Variants in NAA15 observed in about 807,000 individuals in gnomAD.
NAA15 encodes N-terminal acetyltransferase.
In NAA15, 34 loss-of-function variants were observed where a neutral mutation model predicts 114.0. That is an observed-to-expected ratio of 0.30 (90% CI 0.23 to 0.40). The LOEUF is 0.40. Ranked by LOEUF, NAA15 falls within the 10% of genes least tolerant of loss-of-function variation. The pLI is 1.00. For synonymous variants in NAA15, 340 were observed against 338.0 expected, an observed-to-expected ratio of 1.01 and a Z score of -0.06; for missense variants, 658 against 1,004.5, an observed-to-expected ratio of 0.66 and a Z score of 4.66.
chr4:139,319,144 A>G (rs571315270), intron 1 of NAA15, among the ~76,000 whole-genome samples: 10 of 152,154 alleles, frequency 6.6e-5, no homozygotes, highest in African/African-American at 2.4e-4. Context: ...AAATACAAAA[A>G]TTAACCAGGC....
intron 3 of NAA15, among the ~76,000 whole-genome samples, chr4:139,339,618 G>A (rs1246230577): frequency 1.3e-5 from 2 of 151,998 alleles, no homozygotes; most frequent in Non-Finnish European, 2.9e-5. Context: ...GGGCGTGGTG[G>A]CAGACGCTTG....
At chr4:139,350,502 G>GCTC (rs1747741541) in intron 7 of NAA15, among the ~76,000 whole-genome samples, 1 of 152,144 alleles carries the variant, frequency 6.6e-6, no homozygotes, top group African/African-American at 2.4e-5. Context: ...CATAAGTGGG[G>GCTC]TCCACTTGTG....
chr4:139,361,802 G>T lies in NAA15; in HGVS notation c.1618G>T (p.Asp540Tyr), dbSNP rs1483770178. The change falls in exon 14 of 20, where the codon GAC (aspartate) becomes TAC (tyrosine). Residue 540 changes from aspartate (D) to tyrosine (Y), a missense_variant. Asp to Tyr is a radical substitution (Grantham distance 160). This residue lies in a region of NAA15 where 7 missense variants were observed against 35.0 expected (regional missense o/e 0.20). Coordinates refer to ENST00000296543, the MANE Select transcript of NAA15 (RefSeq NM_057175.5). The part of the protein sequence containing the change: ...MRKITLRSYV[D>Y]LLKLEDVLRQ... ...GAAGATTACCCTTAGATCATATGTG[G>T]ACTTATTAAAACTAGAAGATGTACT... 2 of 1,613,024 alleles carry T rather than the reference G, an allele frequency of 1.2e-6. No individual in the cohort carries two copies. The highest frequency in any genetic ancestry group is 3.3e-5 in the Admixed American group (2 of 60,002).
At chr4:139,365,299 A>G (rs1051007266) in intron 14 of NAA15, among the ~76,000 whole-genome samples, 3 of 152,020 alleles carry the variant, frequency 2.0e-5, no homozygotes, top group Non-Finnish European at 4.4e-5. Context: ...TGGCCTCCCA[A>G]AGTGCTGGGA....
rs1001945903 is a variant in NAA15 at position 139,336,879 on chromosome 4, C to T, written c.171C>T (p.Asn57=). ...ETLAMKGLTL[N]CLGKKEEAYE... ...TGGCTATGAAAGGATTAACATTGAA[C>T]TGTTTGGGGAAAAAGGAAGAAGCTT... Residue 57 remains asparagine, a synonymous_variant, in exon 3 of 20, where the codon AAC becomes AAT. Coordinates refer to ENST00000296543, the MANE Select transcript of NAA15 (RefSeq NM_057175.5). 1.9e-6 allele frequency: 3 copies of T among 1,593,562 alleles called. No individual in the cohort carries two copies. The highest frequency in any genetic ancestry group is 1.7e-5 in the Admixed American group (1 of 57,800).
chr4:139,351,371 T>G, intron 8 of NAA15, 85 bp downstream of exon 8: 1 of 1,091,720 alleles, frequency 9.2e-7, no homozygotes, highest in Non-Finnish European at 1.4e-6. Context: ...GTATGCATAT[T>G]AAGTTTAAGC....
intron 10 of NAA15, among the ~76,000 whole-genome samples, chr4:139,355,257 TG>T (rs913424822): frequency 6.6e-6 from 1 of 152,190 alleles, no homozygotes; most frequent in Admixed American, 6.5e-5. Flanking sequence ...ATTTTTTTTT[TG>T]CCTTTCCTTT....
chr4:139,306,598 TTTTTTTTTTGTTTTG>T (rs1579078002), intron 1 of NAA15, among the ~76,000 whole-genome samples: 1 of 147,378 alleles, frequency 6.8e-6, no homozygotes, highest in East Asian at 2.0e-4. Flanking sequence ...TTTGGTCTGG[TTTTTTTTTTGTTTTG>T]TTTTGTTTTG....
At chr4:139,356,385 A>G (rs1426113180) in intron 10 of NAA15, 1 of 152,120 alleles carries the variant, frequency 6.6e-6, no homozygotes, top group Non-Finnish European at 1.5e-5. Context: ...CTGGGTGCAT[A>G]TTGCTATTGG....
At chr4:139,334,558 T>C (rs13146461) in intron 2 of NAA15, among the ~76,000 whole-genome samples, 1 of 152,262 alleles carries the variant, frequency 6.6e-6, no homozygotes, top group Non-Finnish European at 1.5e-5. Context: ...AATTGTATGC[T>C]TTATAATCTT....
intron 1 of NAA15, among the ~76,000 whole-genome samples, chr4:139,319,774 C>T (rs1746538608): frequency 1.3e-5 from 2 of 152,200 alleles, no homozygotes. Flanking sequence ...ATGCCATGAT[C>T]TCATGATATG....
At chr4:139,375,936 T>C (rs1579134499) in intron 15 of NAA15, among the ~76,000 whole-genome samples, 1 of 152,144 alleles carries the variant, frequency 6.6e-6, no homozygotes, top group Non-Finnish European at 1.5e-5. Flanking sequence ...ATGGATAGTG[T>C]AGTATTTTGA....
intron 9 of NAA15, among the ~76,000 whole-genome samples, chr4:139,352,155 C>T (rs1410551475): frequency 1.3e-5 from 2 of 152,020 alleles, no homozygotes; most frequent in Admixed American, 1.3e-4. Flanking sequence ...GTCACCCAAG[C>T]TGGAGTGTAG....
intron 1 of NAA15, among the ~76,000 whole-genome samples, chr4:139,324,928 T>G (rs1746743431): frequency 6.6e-6 from 1 of 152,220 alleles, no homozygotes; most frequent in African/African-American, 2.4e-5. Flanking sequence ...CATTCTGAAT[T>G]ATTTTTACAG....
At chr4:139,342,177 T>G (rs1301544057) in intron 4 of NAA15, among the ~76,000 whole-genome samples, 1 of 152,200 alleles carries the variant, frequency 6.6e-6, no homozygotes, top group Non-Finnish European at 1.5e-5. Flanking sequence ...GGACACTTAA[T>G]TTTTAAAAAC....
In NAA15 at chr4:139,351,488, G is replaced by A; in HGVS notation, c.908-17G>A. The A allele has an allele frequency of 7.0e-7, 1 of 1,426,594 alleles. No homozygotes were observed. The highest frequency in any genetic ancestry group is 1.2e-5 in the South Asian group (1 of 84,464). 88.4% of individuals were successfully genotyped at this position (1,426,594 alleles called of 1,614,324 possible). A position where few individuals can be genotyped will look rare whatever the true frequency, so the allele number is the denominator to read the frequency against. Reference sequence around the variant, plus strand: ...ATACTTGATAAATATAAGCGAAAAGGATTTTTCTCTTCCAAGGTGAGAAGT... The same window carrying A: ...ATACTTGATAAATATAAGCGAAAAGAATTTTTCTCTTCCAAGGTGAGAAGT... On this transcript the variant is annotated splice_polypyrimidine_tract_variant and intron_variant, in intron 8 of 19. Transcript: ENST00000296543.
chr4:139,330,836 G>A (rs1019099298), intron 1 of NAA15, among the ~76,000 whole-genome samples: 2 of 152,124 alleles, frequency 1.3e-5, no homozygotes, highest in African/African-American at 4.8e-5. Flanking sequence ...TGGAGATGAT[G>A]GGTATATAGT....
intron 1 of NAA15, among the ~76,000 whole-genome samples, chr4:139,315,105 C>T (rs900505641): frequency 6.9e-6 from 1 of 145,630 alleles, no homozygotes; most frequent in Non-Finnish European, 1.5e-5. Context: ...CTCTTTCACC[C>T]AGGCTGGAGT....
Position 139,389,843 on chromosome 4 carries a change from A to C in NAA15, c.*1759A>C, listed in dbSNP as rs1461072407. The C allele has an allele frequency of 3.3e-5, 5 of 152,784 alleles. No homozygotes were observed. In the East Asian group the frequency reaches 9.6e-4, roughly 29 times the overall value. The allele number at this position is 152,784 out of a possible 1,614,324, so 9.5% of individuals were successfully genotyped here. A position where few individuals can be genotyped will look rare whatever the true frequency, so the allele number is the denominator to read the frequency against. On this transcript the variant is annotated 3_prime_UTR_variant, in exon 20 of 20. Coordinates refer to ENST00000296543, the MANE Select transcript of NAA15 (RefSeq NM_057175.5). ...GTACATGACCTGCATTCCACATCTC[A>C]GTCTAACAGTTTAGTAGTGATGTAA...
Sources: gnomAD v4.1 joint callset for allele counts (sites outside exome capture counted in the v4.1 genomes callset) on GRCh38, gnomAD v4.1.1 for gene constraint, gnomAD v4.1.1 regional missense constraint, MANE v1.5 for transcripts, NCBI Gene and HGNC (gene_info 2026-07-23, HGNC 2026-07-21) for gene names.